Variants in NF1 observed in about 807,000 individuals in gnomAD.
The protein encoded by NF1 is neurofibromin.
Under a neutral mutation model 325.7 loss-of-function variants are expected in NF1, and 122 were observed. That is an observed-to-expected ratio of 0.37 (90% CI 0.32 to 0.44). The LOEUF is 0.44. NF1 is among the 20% of genes least tolerant of loss of function. NF1 has a pLI of 1.00. For synonymous variants in NF1, 1,091 were observed against 1,186.0 expected, an observed-to-expected ratio of 0.92 and a Z score of 1.65; for missense variants, 2,140 against 3,415.4, an observed-to-expected ratio of 0.63 and a Z score of 9.31.
At chr17:31,302,088 A>G (rs548808176) in intron 36 of NF1, among the ~76,000 whole-genome samples, 4 of 152,290 alleles carry the variant, frequency 2.6e-5, no homozygotes, top group Admixed American at 1.3e-4. Context: ...GGAAAATTAC[A>G]TGCAGTTAAA....
chr17:31,169,839 C>T (rs1458779137), intron 4 of NF1, 52 bp from the exon 5 acceptor site: 12 of 1,283,620 alleles, frequency 9.3e-6, no homozygotes, highest in Non-Finnish European at 1.4e-5. Flanking sequence ...AGATACCACA[C>T]CTGTCCCCTA....
rs562110311 is a variant in NF1 at position 31,232,765 on chromosome 17, C to A, written c.3380C>A (p.Thr1127Lys). ...GAAGTTGAAGATGAAAGTGCGCAAA[C>A]AGGTGGCAGGAAACGTGGCATGTCT... ...CSEVEDESAQTGGRKRGMSRR... is the reference protein window; with the variant it reads ...CSEVEDESAQKGGRKRGMSRR... The change falls in exon 26 of 58, where the codon ACA becomes AAA. Residue 1127 changes from threonine (T) to lysine (K), a missense_variant. Transcript: ENST00000358273. 1 of 1,613,754 alleles carries A rather than the reference C, an allele frequency of 6.2e-7. No homozygotes were observed.
chr17:31,187,637 G>A (rs1405157349), intron 8 of NF1, among the ~76,000 whole-genome samples: 1 of 152,176 alleles, frequency 6.6e-6, no homozygotes, highest in Non-Finnish European at 1.5e-5. Context: ...AGAAGGCTGT[G>A]TATGCTCTGA....
intron 2 of NF1, among the ~76,000 whole-genome samples, chr17:31,157,795 T>TA (rs71142027): frequency 0.54 from 65,972 of 122,014 alleles, 19,940 homozygotes; most frequent in Middle Eastern, 0.76. Flanking sequence ...CCGTCTCTAC[T>TA]AAAAAAAAAA....
chr17:31,367,590 C>T (rs1402453812), intron 57 of NF1, among the ~76,000 whole-genome samples: 5 of 152,080 alleles, frequency 3.3e-5, no homozygotes, highest in Non-Finnish European at 5.9e-5. Flanking sequence ...GAGCAGAATA[C>T]GTGGTTTGAT....
At chr17:31,329,016 A>T (rs1390075111) in intron 38 of NF1, among the ~76,000 whole-genome samples, 2 of 152,202 alleles carry the variant, frequency 1.3e-5, no homozygotes, top group East Asian at 3.9e-4. Context: ...TTAGTAAAAG[A>T]TACAAGCTGA....
At chr17:31,286,407 A>G (rs1287228325) in intron 36 of NF1, among the ~76,000 whole-genome samples, 1 of 152,194 alleles carries the variant, frequency 6.6e-6, no homozygotes, top group Non-Finnish European at 1.5e-5. Flanking sequence ...TATGTTTTAA[A>G]GAGACTTTAG....
chr17:31,365,545 G>A (rs1411714125), intron 57 of NF1, among the ~76,000 whole-genome samples: 1 of 152,060 alleles, frequency 6.6e-6, no homozygotes, highest in Non-Finnish European at 1.5e-5. Context: ...AATTCTAAGT[G>A]TGCACTATTT....
chr17:31,335,583 A>G (rs1179682476), intron 40 of NF1, among the ~76,000 whole-genome samples: 1 of 151,866 alleles, frequency 6.6e-6, no homozygotes, highest in Non-Finnish European at 1.5e-5. Context: ...TAATGCCCTC[A>G]CTCAAACACT....
rs17880510 is a variant in NF1 at position 31,260,884 on chromosome 17, CAG to C, written c.4577+370_4577+371del. On this transcript the variant is annotated intron_variant, in intron 34 of 57. Transcript: ENST00000358273. ...AGGAATTCAGTAATTAAAATATTGT[CAG>C]TGTTTTAATTCTATGATAAACTCAT... Among the ~76,000 whole-genome samples, 1,159 of 152,206 alleles carry C rather than the reference CAG, an allele frequency of 7.6e-3. 5 individuals are homozygous for C. The highest frequency in any genetic ancestry group is 0.012 in the Admixed American group (183 of 15,276).
chr17:31,276,208 CAAAAAAA>C (rs57914332), intron 36 of NF1, among the ~76,000 whole-genome samples: 1 of 78,916 alleles, frequency 1.3e-5, no homozygotes, highest in East Asian at 3.6e-4. Flanking sequence ...GACTCCATCT[CAAAAAAA>C]AAAAAAAAAA....
chr17:31,240,291 GT>G (rs1165349205), intron 29 of NF1, among the ~76,000 whole-genome samples: 1 of 151,008 alleles, frequency 6.6e-6, no homozygotes, highest in African/African-American at 2.4e-5. Context: ...GAGTTCAATT[GT>G]TTTAATTTTT....
chr17:31,305,637 C>T (rs753236143), intron 36 of NF1: 42 of 1,588,606 alleles, frequency 2.6e-5, no homozygotes, highest in Middle Eastern at 3.4e-4. Context: ...TTATCTATAG[C>T]GGGTTTATAA....
At chr17:31,253,779 A>G (rs1223085375) in intron 31 of NF1, 2 of 152,220 alleles carry the variant, frequency 1.3e-5, no homozygotes, top group Non-Finnish European at 2.9e-5. Context: ...TATAATATGC[A>G]TTCATTTTAC....
At chr17:31,328,372 C>T (rs1259393664) in intron 38 of NF1, among the ~76,000 whole-genome samples, 1 of 152,150 alleles carries the variant, frequency 6.6e-6, no homozygotes, top group African/African-American at 2.4e-5. Flanking sequence ...GTGGAAAGAG[C>T]ATGGCTGTGG....
At chr17:31,315,345 G>C (rs1043868026) in intron 36 of NF1, among the ~76,000 whole-genome samples, 6 of 152,076 alleles carry the variant, frequency 3.9e-5, no homozygotes, top group African/African-American at 1.2e-4. Flanking sequence ...CTATTTGATA[G>C]CACAACAGAG....
At chr17:31,113,724 T>G (rs981369858) in intron 1 of NF1, among the ~76,000 whole-genome samples, 3 of 152,188 alleles carry the variant, frequency 2.0e-5, no homozygotes, top group African/African-American at 7.2e-5. Flanking sequence ...TTTCACCATG[T>G]TGGCCAGGCT....
chr17:31,153,309 T>C (rs1471684427), intron 1 of NF1, among the ~76,000 whole-genome samples: 1 of 152,276 alleles, frequency 6.6e-6, no homozygotes, highest in East Asian at 1.9e-4. Flanking sequence ...GGTTAATAGC[T>C]ACATGTGACG....
At chr17:31,320,472 A>G in intron 36 of NF1, 1 of 1,571,470 alleles carries the variant, frequency 6.4e-7, no homozygotes, top group Non-Finnish European at 8.7e-7. Flanking sequence ...TCAAGGTTTT[A>G]TAAGAAATGG....
Sources: allele counts gnomAD v4.1 joint callset (sites outside exome capture counted in the v4.1 genomes callset), GRCh38; gene constraint gnomAD v4.1.1; transcripts MANE v1.5; gene names NCBI Gene and HGNC (gene_info 2026-07-23, HGNC 2026-07-21).